The following PLXNB3 variants were observed in gnomAD, a reference collection of about 807,000 sequenced individuals.
PLXNB3 encodes plexin B3.
In PLXNB3, 80 loss-of-function variants were observed where a neutral mutation model predicts 125.7. The observed-to-expected ratio is 0.64, with a 90% confidence interval of 0.53 to 0.77. The LOEUF is 0.77. Ranked by LOEUF, PLXNB3 falls within the 30% of genes least tolerant of loss-of-function variation. The pLI, the probability that PLXNB3 is intolerant of heterozygous loss-of-function variation, is 0.00. For missense variants in PLXNB3, 1,836 were observed against 1,729.3 expected, an observed-to-expected ratio of 1.06 and a Z score of -1.09; for synonymous variants, 954 against 783.3, an observed-to-expected ratio of 1.22 and a Z score of -3.64.
intron 27 of PLXNB3, 24 bp from the exon 28 acceptor site, chrX:153,776,332 A>G (rs1452564096): frequency 1.8e-6 from 2 of 1,129,993 alleles, no homozygotes; most frequent in South Asian, 3.7e-5. Flanking sequence ...GCTGTAGACT[A>G]TCTGCTTCCC....
At chrX:153,778,843 C>T (rs2092024759) in intron 35 of PLXNB3, 92 bp from the exon 36 acceptor site, 3 of 1,109,319 alleles carry the variant, frequency 2.7e-6, no homozygotes, top group African/African-American at 3.7e-5. Context: ...GCTGGATCCC[C>T]AGGCTCCTGC....
At position 153,778,690 on chromosome X, in the gene PLXNB3, C is replaced by A. The variant is rs782540032; in HGVS notation, c.5625+16C>A. On this transcript the variant is annotated intron_variant, in intron 35 of 35. Transcript: ENST00000361971. ...CTATGATCAGGTGAGGCCCAGGGCA[C>A]TCCGGAGGGGAGGCACAGTGGAGCG... 6.8e-6 allele frequency: 8 copies of A among 1,184,115 alleles called. No individual in the cohort carries two copies. The highest frequency in any genetic ancestry group is 8.0e-6 in the Non-Finnish European group (7 of 875,914).
chrX:153,769,972 C>G (rs782263278), intron 7 of PLXNB3, 33 bp downstream of exon 7: 1 of 1,194,655 alleles, frequency 8.4e-7, no homozygotes, highest in African/African-American at 1.7e-5. Flanking sequence ...GCCCTCTGGG[C>G]AGCATGACCA....
intron 22 of PLXNB3, 41 bp from the exon 23 acceptor site, chrX:153,774,665 T>TGGCCCCGGCCCTGGCTGATGAA (rs782081980): frequency 8.7e-7 from 1 of 1,149,506 alleles, no homozygotes; most frequent in South Asian, 2.1e-5. Context: ...TGGCTGATGC[T>TGGCCCCGGCCCTGGCTGATGAA]GGCCCCGGCC....
At chrX:153,772,507 G>A (rs1032011093) in intron 16 of PLXNB3, among the ~76,000 whole-genome samples, 9 of 112,194 alleles carry the variant, frequency 8.0e-5, no homozygotes, top group Non-Finnish European at 1.1e-4. Flanking sequence ...TGGTGGCACC[G>A]TTTCCTGGGT....
rs1557059583 is a variant in PLXNB3 at position 153,767,283 on chromosome X, G to A, written c.456G>A (p.Leu152=). The A allele has an allele frequency of 2.5e-6, 3 of 1,206,449 alleles. No individual in the cohort carries two copies. Among genetic ancestry groups the A allele is most frequent in the East Asian group, 3.0e-5 (1 of 33,584 alleles). Residue 152 remains leucine, a synonymous_variant, in exon 3 of 36, where the codon CTG becomes CTA. Transcript: ENST00000361971. Reference sequence around the variant, plus strand: ...GCCTTGGGGATGTGGCCGAGGTGCTGTACCAGGCTGAGGACCCTGGTGACG... The same window carrying A: ...GCCTTGGGGATGTGGCCGAGGTGCTATACCAGGCTGAGGACCCTGGTGACG... ...TRRLGDVAEV[L]YQAEDPGDGQ...
chrX:153,770,445 C>T lies in PLXNB3; in HGVS notation c.1894C>T (p.Pro632Ser). 8.3e-7 allele frequency: 1 copy of T among 1,206,329 alleles called. No individual in the cohort carries two copies. The highest frequency in any genetic ancestry group is 3.0e-5 in the East Asian group (1 of 33,811). ...SAVQALEAAA[P>S]CRACVGSIWR... ...CGTCCAGGCCTTGGAGGCGGCTGCCCCGTGAGTCCCTGGGCCTGCCTCCTG... is the reference window on the plus strand; with the variant it reads ...CGTCCAGGCCTTGGAGGCGGCTGCCTCGTGAGTCCCTGGGCCTGCCTCCTG... Residue 632 changes from proline to serine, a missense_variant and splice_region_variant, in exon 9 of 36, where the codon CCG (proline) becomes TCG (serine). By Grantham distance (74) the Pro-to-Ser change is moderately conservative (BLOSUM62 -1). Coordinates refer to ENST00000361971, the MANE Select transcript of PLXNB3 (RefSeq NM_005393.3).
At position 153,772,010 on chromosome X, in the gene PLXNB3, G is replaced by A. The variant is rs367817552; in HGVS notation, c.2664G>A (p.Ser888=). 2.8e-5 allele frequency: 33 copies of A among 1,187,135 alleles called. No homozygotes were observed. The highest frequency in any genetic ancestry group is 9.3e-5 in the South Asian group (5 of 53,487). Residue 888 remains serine, a synonymous_variant, in exon 15 of 36, where the codon TCG becomes TCA. Coordinates refer to ENST00000361971, the MANE Select transcript of PLXNB3 (RefSeq NM_005393.3). ...CTGAGCCCTCTCTCTACCGCACGTCGGCCCGGTGAGGCACTTGGAGGGTGA... is the reference window on the plus strand; with the variant it reads ...CTGAGCCCTCTCTCTACCGCACGTCAGCCCGGTGAGGCACTTGGAGGGTGA... ...CNPEPSLYRT[S]ARIVCVTSPA... is the part of the protein sequence containing the mutation.
rs782305118 is a variant in PLXNB3, at chrX:153,767,853, C to A, written c.1026C>A (p.Ser342Arg). ...LCYTAGGRGP[S>R]GAEEATVEYG... is the part of the protein sequence containing the mutation. The stretch of plus-strand genomic sequence containing the variant: ...ACACGGCGGGCGGCCGGGGCCCCAG[C>A]GGCGCAGAGGAAGCCACCGTGGAGT... The change falls in exon 3 of 36, where the codon AGC becomes AGA. Residue 342 changes from serine to arginine, a missense_variant. Ser to Arg is a moderately radical substitution (Grantham distance 110, BLOSUM62 -1). Transcript: ENST00000361971. The A allele has an allele frequency of 8.8e-7, 1 of 1,135,301 alleles. No homozygotes were observed. Among genetic ancestry groups the A allele is most frequent in the Non-Finnish European group, 1.2e-6 (1 of 859,239 alleles). The allele number at this position is 1,135,301 out of a possible 1,213,427, so 93.6% of individuals were successfully genotyped here.
chrX:153,767,401 C>T lies in PLXNB3; in HGVS notation c.574C>T (p.Leu192=). Residue 192 remains leucine, a synonymous_variant, in exon 3 of 36, where the codon CTG becomes TTG. Transcript: ENST00000361971. ...GRDLLLVARG[L]AGKLSAGVPP... is the part of the protein sequence containing the mutation. ...GGACCTCCTGCTTGTGGCCAGAGGC[C>T]TGGCGGGCAAGCTGTCGGCAGGGGT... The T allele has an allele frequency of 5.1e-6, 6 of 1,185,150 alleles. No individual in the cohort carries two copies. The highest frequency in any genetic ancestry group is 6.8e-6 in the Non-Finnish European group (6 of 881,483).
Position 153,777,547 on chromosome X carries a change from T to C in PLXNB3, c.5120T>C (p.Val1707Ala), listed in dbSNP as rs1557064882. ...TCGCAGGGCACGCTGCAGAAGTTTG[T>C]GGACGACACCTTCCAGGCCATTCTC... Reference protein sequence around the residue: ...LSMKGTLQKFVDDTFQAILSV... With the variant: ...LSMKGTLQKFADDTFQAILSV... The change falls in exon 31 of 36, where the codon GTG (valine) becomes GCG (alanine). Residue 1707 changes from valine to alanine, a missense_variant. Coordinates refer to ENST00000361971, the MANE Select transcript of PLXNB3 (RefSeq NM_005393.3). 8.3e-7 allele frequency: 1 copy of C among 1,211,876 alleles called. No homozygotes were observed. Among genetic ancestry groups the C allele is most frequent in the South Asian group, 1.8e-5 (1 of 57,062 alleles).
chrX:153,773,157 A>G (rs1312767339), intron 17 of PLXNB3, 73 bp from the exon 18 acceptor site: 3 of 1,100,972 alleles, frequency 2.7e-6, no homozygotes, highest in Non-Finnish European at 3.6e-6. Context: ...GGCTTCTCCT[A>G]CGGGGGTTGG....
At chrX:153,776,482 G>C in intron 28 of PLXNB3, 23 bp downstream of exon 28, 1 of 622,992 alleles carries the variant, frequency 1.6e-6, no homozygotes, top group Non-Finnish European at 2.4e-6. Flanking sequence ...ACGGGGCGAG[G>C]CAGGGCGGGG....
Position 153,775,058 on chromosome X carries a change from C to G in PLXNB3, c.4110C>G (p.Leu1370=). Residue 1370 remains leucine, a synonymous_variant, in exon 24 of 36, where the codon CTC becomes CTG. Transcript: ENST00000361971. ...DGHCATVRQG[L]TQLSNLLNSK... ...ACTGTGCCACTGTGCGCCAGGGCCTCACGCAGCTCTCCAACCTGCTCAACA... is the reference window on the plus strand; with the variant it reads ...ACTGTGCCACTGTGCGCCAGGGCCTGACGCAGCTCTCCAACCTGCTCAACA... 8.3e-7 allele frequency: 1 copy of G among 1,209,338 alleles called. No individual in the cohort carries two copies. Among genetic ancestry groups the G allele is most frequent in the Non-Finnish European group, 1.1e-6 (1 of 894,410 alleles).
rs1557064101 is a variant in PLXNB3, at chrX:153,776,165, C to T, written c.4680C>T (p.Tyr1560=). The change falls in exon 27 of 36, where the codon TAC becomes TAT. Residue 1560 remains tyrosine (Y), a synonymous_variant. Transcript: ENST00000361971. ...AGGAGAAGGTGTTGGACCAAGTCTACAAGGGCACCCCCTTCTCCCAGAGGC... is the reference window on the plus strand; with the variant it reads ...AGGAGAAGGTGTTGGACCAAGTCTATAAGGGCACCCCCTTCTCCCAGAGGC... ...QVKEKVLDQV[Y]KGTPFSQRPS... 1 of 1,197,338 alleles carries T rather than the reference C, an allele frequency of 8.4e-7. No homozygotes were observed. The highest frequency in any genetic ancestry group is 3.0e-5 in the East Asian group (1 of 33,286).
intron 4 of PLXNB3, 83 bp downstream of exon 4, chrX:153,768,511 A>C: frequency 2.2e-6 from 2 of 908,755 alleles, no homozygotes; most frequent in South Asian, 5.0e-5. Context: ...TCCACCTCTT[A>C]GCCCGCATCC....
In PLXNB3 at chrX:153,777,201, C is replaced by T. The variant is rs2092007319; in HGVS notation, c.4928-7C>T. 12 of 1,137,810 alleles carry T rather than the reference C, an allele frequency of 1.1e-5. No homozygotes were observed. The highest frequency in any genetic ancestry group is 1.4e-5 in the Non-Finnish European group (12 of 854,977). 93.8% of individuals were successfully genotyped at this position (1,137,810 alleles called of 1,213,427 possible). ...ATAGCCCTGAAGCCAGGCTCCTGTGCCCTCAGACATACCCACGCTGGAGGA... is the reference window on the plus strand; with the variant it reads ...ATAGCCCTGAAGCCAGGCTCCTGTGTCCTCAGACATACCCACGCTGGAGGA... On this transcript the variant is annotated splice_region_variant and splice_polypyrimidine_tract_variant and intron_variant, in intron 29 of 35. Transcript: ENST00000361971.
At position 153,774,484 on chromosome X, in the gene PLXNB3, C is replaced by T. The variant is rs782157150; in HGVS notation, c.3743C>T (p.Ser1248Phe). 1 of 1,205,691 alleles carries T rather than the reference C, an allele frequency of 8.3e-7. No homozygotes were observed. The highest frequency in any genetic ancestry group is 1.1e-6 in the Non-Finnish European group (1 of 893,087). ...CAGTACGAGGCTGAACCCCCGCTGT[C>T]TGCCTTTCCCGTGGAGGCCCAGGCA... is the stretch of plus-strand genomic sequence containing the variant. ...PVQYEAEPPLSAFPVEAQAGV... is the reference protein window; with the variant it reads ...PVQYEAEPPLFAFPVEAQAGV... Residue 1248 changes from serine (S) to phenylalanine (F), a missense_variant, in exon 22 of 36, where the codon TCT becomes TTT. Transcript: ENST00000361971.
At chrX:153,777,902 G>A (rs201764955) in intron 31 of PLXNB3, 46 bp from the exon 32 acceptor site, 32 of 1,172,099 alleles carry the variant, frequency 2.7e-5, no homozygotes, top group Non-Finnish European at 3.2e-5. Flanking sequence ...CGGAGATCAC[G>A]ATGGCAGGCC....
Sources: allele counts gnomAD v4.1 joint callset (sites outside exome capture counted in the v4.1 genomes callset), GRCh38; gene constraint gnomAD v4.1.1; transcripts MANE v1.5; gene names NCBI Gene and HGNC (gene_info 2026-07-23, HGNC 2026-07-21).